Variants in ABCC4 observed in about 807,000 individuals in gnomAD.
ABCC4 encodes ATP binding cassette subfamily C member 4 (PEL blood group), also known as ATP-binding cassette sub-family C member 4.
A neutral mutation model predicts 168.5 loss-of-function variants in ABCC4; 102 were observed. That is an observed-to-expected ratio of 0.61 (90% CI 0.52 to 0.71). The LOEUF (loss-of-function observed/expected upper bound fraction) is 0.71. Among genes scored for constraint, ABCC4 ranks in the 30% least tolerant of loss-of-function variants. The probability of loss-of-function intolerance (pLI) is 0.00; values close to 1 mark genes in which losing one functional copy is unlikely to be tolerated. For missense variants in ABCC4, 1,402 were observed against 1,605.8 expected, an observed-to-expected ratio of 0.87 and a Z score of 2.17; for synonymous variants, 617 against 590.7, an observed-to-expected ratio of 1.04 and a Z score of -0.65.
intron 3 of ABCC4, among the ~76,000 whole-genome samples, chr13:95,240,465 A>T (rs1842647248): frequency 6.6e-6 from 1 of 152,042 alleles, no homozygotes; most frequent in African/African-American, 2.4e-5. Flanking sequence ...CAGGAGGCAG[A>T]GGTTGCAGTG....
At position 95,215,100 on chromosome 13, in the gene ABCC4, G is replaced by A. The variant is rs1330541617; in HGVS notation, c.532-4319C>T. Among the ~76,000 whole-genome samples the A allele has an allele frequency of 3.9e-5, 6 of 152,134 alleles. 1 individual carries two copies. The South Asian group carries it at 8.3e-4, about 21-fold the overall frequency. ...AACTCAGATCTACAGAAAGAATAAAGAGAAACCAAAATGACCAATGTGAGT... is the reference window on the plus strand; with the variant it reads ...AACTCAGATCTACAGAAAGAATAAAAAGAAACCAAAATGACCAATGTGAGT... On this transcript the variant is annotated intron_variant, in intron 4 of 30. Coordinates refer to ENST00000645237, the MANE Select transcript of ABCC4 (RefSeq NM_005845.5).
intron 26 of ABCC4, chr13:95,055,652 G>A (rs1410465617): frequency 2.6e-5 from 4 of 152,224 alleles, no homozygotes; most frequent in African/African-American, 4.8e-5. Flanking sequence ...GGAGGCCGAG[G>A]CAGGTGGTTC....
chr13:95,117,695 T>G (rs1482396732), intron 19 of ABCC4, among the ~76,000 whole-genome samples: 1 of 151,916 alleles, frequency 6.6e-6, no homozygotes, highest in Non-Finnish European at 1.5e-5. Flanking sequence ...AATTATTTCT[T>G]AAGTGGAAAA....
At chr13:95,029,892 A>G (rs944811979) in intron 30 of ABCC4, among the ~76,000 whole-genome samples, 1 of 152,116 alleles carries the variant, frequency 6.6e-6, no homozygotes, top group African/African-American at 2.4e-5. Flanking sequence ...GCCTTGGGTG[A>G]CTTCTGTAAG....
At chr13:95,078,641 T>C (rs2033991445) in intron 21 of ABCC4, among the ~76,000 whole-genome samples, 1 of 152,152 alleles carries the variant, frequency 6.6e-6, no homozygotes, top group South Asian at 2.1e-4. Context: ...ACCCTGGAAC[T>C]TGGTCAATCT....
rs150476220 is a variant in ABCC4 at position 95,022,033 on chromosome 13, G to A, written c.3871-351C>T. ...TGACAAAGAGGCTGGGAAATCTAGC[G>A]TCTGCATGAGGGTTTCTCATTTTCA... On this transcript the variant is annotated intron_variant, in intron 30 of 30. Transcript: ENST00000645237. Among the ~76,000 whole-genome samples, 679 of 152,310 alleles carry A rather than the reference G, an allele frequency of 4.5e-3. 10 individuals carry two copies. The highest frequency in any genetic ancestry group is 0.016 in the African/African-American group (658 of 41,570).
intron 1 of ABCC4, among the ~76,000 whole-genome samples, chr13:95,288,592 G>C (rs998723576): frequency 6.6e-6 from 1 of 152,118 alleles, no homozygotes; most frequent in Admixed American, 6.6e-5. Flanking sequence ...GATCACCTGA[G>C]GTCAGGAGTT....
At chr13:95,251,616 G>A (rs575156631) in intron 1 of ABCC4, among the ~76,000 whole-genome samples, 32 of 152,304 alleles carry the variant, frequency 2.1e-4, no homozygotes, top group African/African-American at 7.0e-4. Flanking sequence ...CCTCTCTGCT[G>A]TATACCTCCT....
At chr13:95,163,315 G>T in intron 17 of ABCC4, 99 bp from the exon 18 acceptor site, 1 of 806,860 alleles carries the variant, frequency 1.2e-6, no homozygotes, top group Non-Finnish European at 2.0e-6. Flanking sequence ...AACGCTTCAT[G>T]CTGGAAAATG....
intron 20 of ABCC4, among the ~76,000 whole-genome samples, chr13:95,106,840 T>C (rs1291478626): frequency 1.3e-5 from 2 of 152,150 alleles, no homozygotes; most frequent in African/African-American, 2.4e-5. Flanking sequence ...CCCTTTGGCA[T>C]AGGGAGTCTG....
At chr13:95,063,362 G>C (rs1420236976) in intron 25 of ABCC4, among the ~76,000 whole-genome samples, 1 of 152,196 alleles carries the variant, frequency 6.6e-6, no homozygotes, top group Non-Finnish European at 1.5e-5. Context: ...AGAGGTGTCA[G>C]AAGTGACATA....
intron 8 of ABCC4, among the ~76,000 whole-genome samples, chr13:95,197,154 G>C (rs929150104): frequency 6.6e-6 from 1 of 152,178 alleles, no homozygotes; most frequent in African/African-American, 2.4e-5. Flanking sequence ...TCACCTGCAT[G>C]AACACTGCAC....
intron 26 of ABCC4, among the ~76,000 whole-genome samples, chr13:95,058,271 G>A (rs527524854): frequency 9.9e-5 from 15 of 152,166 alleles, no homozygotes; most frequent in African/African-American, 3.4e-4. Context: ...GCTCTCTTTG[G>A]TTATGGCTTC....
intron 20 of ABCC4, among the ~76,000 whole-genome samples, chr13:95,101,513 C>T (rs1263327821): frequency 2.0e-5 from 3 of 152,144 alleles, no homozygotes; most frequent in Non-Finnish European, 4.4e-5. Context: ...ATGCCTAAAT[C>T]CAACCTCTGC....
intron 19 of ABCC4, among the ~76,000 whole-genome samples, chr13:95,157,529 G>C (rs147094169): frequency 6.7e-6 from 1 of 149,470 alleles, no homozygotes; most frequent in East Asian, 2.0e-4. Context: ...AAGGAGAAAA[G>C]AAAGGAAGGA....
In ABCC4 at chr13:95,196,580, AGGAG is replaced by A. The variant is rs1566515153; in HGVS notation, c.1162-1647_1162-1644del. Among the ~76,000 whole-genome samples, 3 of 101,198 alleles carry A rather than the reference AGGAG, an allele frequency of 3.0e-5. No homozygotes were observed. In the South Asian group the frequency reaches 1.1e-3, roughly 38 times the overall value. The allele number at this position is 101,198 out of a possible 152,430, so 66.4% of individuals were successfully genotyped here. A position where few individuals can be genotyped will look rare whatever the true frequency, so the allele number is the denominator to read the frequency against. On this transcript the variant is annotated intron_variant, in intron 8 of 30. Transcript: ENST00000645237. ...TAAAAGGAAAGGAGGAAAGGAGGAA[AGGAG>A]GAAGGAAGGAAGGAAGGAAGGAAGG...
At chr13:95,277,383 C>T (rs1314237075) in intron 1 of ABCC4, among the ~76,000 whole-genome samples, 1 of 152,042 alleles carries the variant, frequency 6.6e-6, no homozygotes, top group Non-Finnish European at 1.5e-5. Flanking sequence ...GAGTTCGAGA[C>T]CAGCCTGGCC....
intron 20 of ABCC4, 40 bp downstream of exon 20, chr13:95,115,882 C>G (rs753960571): frequency 1.2e-5 from 18 of 1,559,312 alleles, no homozygotes; most frequent in Non-Finnish European, 1.5e-5. Context: ...TAGGAACTTC[C>G]GTTTTCCATT....
intron 20 of ABCC4, among the ~76,000 whole-genome samples, chr13:95,098,812 G>A (rs563317499): frequency 6.6e-6 from 1 of 152,160 alleles, no homozygotes; most frequent in East Asian, 1.9e-4. Context: ...TAATCATCAA[G>A]GCAATGCAAA....
Sources: allele counts gnomAD v4.1 joint callset (sites outside exome capture counted in the v4.1 genomes callset), GRCh38; gene constraint gnomAD v4.1.1; transcripts MANE v1.5; gene names NCBI Gene and HGNC (gene_info 2026-07-23, HGNC 2026-07-21).